PCDHA2: variants seen among roughly 807,000 people sequenced by gnomAD.
PCDHA2 encodes the protein protocadherin alpha-2.
PCDHA2 carries 58 observed loss-of-function variants against 66.0 expected under a neutral mutation model. The ratio of observed to expected loss-of-function variants is 0.88; its 90% CI spans 0.71 to 1.09. The LOEUF (loss-of-function observed/expected upper bound fraction) is 1.09, where lower values mean the gene tolerates loss of function less well. Ranked by LOEUF, PCDHA2 falls within the 50% of genes least tolerant of loss-of-function variation. The pLI, the probability that PCDHA2 is intolerant of heterozygous loss-of-function variation, is 0.00. For synonymous variants in PCDHA2, 634 were observed against 554.0 expected (o/e 1.14, Z -2.03); for missense variants, 1,267 against 1,242.3 (o/e 1.02, Z -0.30).
chr5:140,857,868 C>T (rs782242383), intron 1 of PCDHA2: 2 of 1,597,584 alleles, frequency 1.3e-6, no homozygotes, highest in South Asian at 1.1e-5. Flanking sequence ...GCGTGGCTGT[C>T]GTATGAATTG....
At position 140,803,277 on chromosome 5, in the gene PCDHA2, G is replaced by A. The variant is rs781928066; in HGVS notation, c.2388+5925G>A. ...CGCCACGGGCCCGGAAGCTGCACTG[G>A]TGGATGTCAACGTGTACTTGATCGT... On this transcript the variant is annotated intron_variant, in intron 1 of 3. Coordinates refer to ENST00000526136, the MANE Select transcript of PCDHA2 (RefSeq NM_018905.3). The A allele has an allele frequency of 4.3e-6, 7 of 1,613,928 alleles. No individual in the cohort carries two copies. The East Asian group carries it at 1.3e-4, about 31-fold the overall frequency.
intron 1 of PCDHA2, chr5:140,882,198 G>C (rs964999330): frequency 2.0e-6 from 3 of 1,525,466 alleles, no homozygotes; most frequent in African/African-American, 2.8e-5. Context: ...ATAAAAATTG[G>C]GCCTTGAGAG....
In PCDHA2 at chr5:140,824,072, C is replaced by T; in HGVS notation, c.2388+26720C>T. 1 of 1,614,254 alleles carries T rather than the reference C, an allele frequency of 6.2e-7. No homozygotes were observed. The highest frequency in any genetic ancestry group is 8.5e-7 in the Non-Finnish European group (1 of 1,180,044). ...TGCTCTGGGGAAGCTCCACCCAAAA[C>T]AGACCTCATGGCCTTCAGTCCAAGC... On this transcript the variant is annotated intron_variant, in intron 1 of 3. Coordinates refer to ENST00000526136, the MANE Select transcript of PCDHA2 (RefSeq NM_018905.3).
intron 1 of PCDHA2, chr5:140,822,643 T>A: frequency 6.2e-7 from 1 of 1,610,486 alleles, no homozygotes; most frequent in Non-Finnish European, 8.5e-7. Flanking sequence ...CGATGTAAAG[T>A]CCAAATTTAT....
rs1763519362 is a variant in PCDHA2, at chr5:140,805,159, A to G, written c.2388+7807A>G. 3 of 1,552,538 alleles carry G rather than the reference A, an allele frequency of 1.9e-6. No individual in the cohort carries two copies. The African/African-American group carries it at 4.1e-5, about 21-fold the overall frequency. On this transcript the variant is annotated intron_variant, in intron 1 of 3. Transcript: ENST00000526136. ...TTGAAGACTTTGGAATTTTCACTTC[A>G]CAGATGTACTGATGCTATGCCAAAT...
intron 1 of PCDHA2, chr5:140,812,387 T>G (rs2126638189): frequency 2.6e-5 from 4 of 152,134 alleles, no homozygotes; most frequent in Non-Finnish European, 4.4e-5. Context: ...TTTTTCTTAG[T>G]CTAGCTAAGG....
intron 1 of PCDHA2, among the ~76,000 whole-genome samples, chr5:140,947,661 T>C (rs2094159982): frequency 6.6e-6 from 1 of 151,672 alleles, no homozygotes; most frequent in South Asian, 2.1e-4. Context: ...CTCCATTTAC[T>C]TGGGTCTTTA....
chr5:140,866,441 G>A (rs1313181432), intron 1 of PCDHA2: 1 of 151,728 alleles, frequency 6.6e-6, no homozygotes, highest in African/African-American at 2.4e-5. Flanking sequence ...GTCTTCTTCA[G>A]TCTTATTGTT....
Position 140,803,287 on chromosome 5 carries a change from A to G in PCDHA2, c.2388+5935A>G. ...CCGGAAGCTGCACTGGTGGATGTCA[A>G]CGTGTACTTGATCGTCGCCATCTGC... On this transcript the variant is annotated intron_variant, in intron 1 of 3. Coordinates refer to ENST00000526136, the MANE Select transcript of PCDHA2 (RefSeq NM_018905.3). The G allele has an allele frequency of 3.7e-6, 6 of 1,614,074 alleles. No individual in the cohort carries two copies. In the South Asian group the frequency reaches 6.6e-5, roughly 18 times the overall value.
At chr5:140,804,771 C>A in intron 1 of PCDHA2, 1 of 250,822 alleles carries the variant, frequency 4.0e-6, no homozygotes, top group Non-Finnish European at 7.6e-6. Flanking sequence ...AGTTGGACTC[C>A]CATTTAAGTT....
intron 1 of PCDHA2, chr5:140,855,749 C>T (rs2043605580): frequency 3.1e-6 from 1 of 325,346 alleles, no homozygotes. Context: ...TAATGTGAGG[C>T]TTTGAAAGTC....
In PCDHA2 at chr5:140,944,201, G is replaced by T. The variant is rs1389405246; in HGVS notation, c.2389-34748G>T. Among the ~76,000 whole-genome samples, 5 of 152,034 alleles carry T rather than the reference G, an allele frequency of 3.3e-5. No homozygotes were observed. In the East Asian group the frequency reaches 9.6e-4, roughly 29 times the overall value. On this transcript the variant is annotated intron_variant, in intron 1 of 3. Coordinates refer to ENST00000526136, the MANE Select transcript of PCDHA2 (RefSeq NM_018905.3). ...TTGTTGGTTTGTTTTGTTTTGTTTT[G>T]TTTTTAAAGAGGGTTTTACTCTGTC...
At chr5:140,871,707 G>A (rs2053270634) in intron 1 of PCDHA2, 9 of 843,502 alleles carry the variant, frequency 1.1e-5, no homozygotes, top group Non-Finnish European at 1.6e-5. Flanking sequence ...ACCAATAAAT[G>A]TCCTATTTCT....
chr5:140,808,751 C>T (rs782107494), intron 1 of PCDHA2: 1 of 1,612,214 alleles, frequency 6.2e-7, no homozygotes, highest in South Asian at 1.1e-5. Flanking sequence ...CGCGCTGCAG[C>T]CGCTGGACCA....
chr5:141,004,148 C>T (rs971282591), intron 3 of PCDHA2, among the ~76,000 whole-genome samples: 1 of 152,222 alleles, frequency 6.6e-6, no homozygotes, highest in African/African-American at 2.4e-5. Context: ...AAAGGCATGA[C>T]ATTTTATAGG....
chr5:140,850,423 C>T (rs782005281), intron 1 of PCDHA2: 4 of 1,597,882 alleles, frequency 2.5e-6, no homozygotes, highest in South Asian at 1.1e-5. Context: ...ACGGACGCAC[C>T]GCGCCAGCGC....
At chr5:140,972,132 A>C (rs1412850121) in intron 1 of PCDHA2, among the ~76,000 whole-genome samples, 9 of 152,062 alleles carry the variant, frequency 5.9e-5, no homozygotes, top group African/African-American at 2.2e-4. Context: ...TCAGTGAGTT[A>C]CTACTATTTT....
At chr5:140,856,485 T>C (rs1554148765) in intron 1 of PCDHA2, 1 of 1,598,290 alleles carries the variant, frequency 6.3e-7, no homozygotes, top group East Asian at 2.2e-5. Context: ...GAATCCAGAC[T>C]GCTTGACTCT....
At chr5:140,968,697 C>G in intron 1 of PCDHA2, 2 of 1,614,144 alleles carry the variant, frequency 1.2e-6, no homozygotes, top group South Asian at 2.2e-5. Flanking sequence ...GAAATTAGGA[C>G]TACCAGGAAG....
Sources: allele counts gnomAD v4.1 joint callset (sites outside exome capture counted in the v4.1 genomes callset), GRCh38; gene constraint gnomAD v4.1.1; transcripts MANE v1.5; gene names NCBI Gene and HGNC (gene_info 2026-07-23, HGNC 2026-07-21).